Variants in DYNC1I1 observed in about 807,000 individuals in gnomAD.
The protein encoded by DYNC1I1 is cytoplasmic dynein 1 intermediate chain 1.
Under a neutral mutation model 86.6 loss-of-function variants are expected in DYNC1I1, and 43 were observed. The observed-to-expected ratio is 0.50, with a 90% CI of 0.39 to 0.64. The LOEUF is 0.64. Among genes scored for constraint, DYNC1I1 ranks in the 30% least tolerant of loss-of-function variants. The pLI is 0.00. For synonymous variants in DYNC1I1, 262 were observed against 283.7 expected (o/e 0.92, Z 0.77); for missense variants, 604 against 788.8 (o/e 0.77, Z 2.81).
At chr7:95,961,589 A>G (rs1792870172) in intron 6 of DYNC1I1, among the ~76,000 whole-genome samples, 1 of 152,188 alleles carries the variant, frequency 6.6e-6, no homozygotes, top group South Asian at 2.1e-4. Context: ...CAGAAGTTGA[A>G]TACAAATCCT....
At chr7:96,107,692 C>T (rs57785155) in intron 16 of DYNC1I1, among the ~76,000 whole-genome samples, 26,458 of 151,620 alleles carry the variant, frequency 0.17, 2,461 homozygotes, top group Middle Eastern at 0.2. Context: ...CCACCACACT[C>T]GGCTAATTTT....
chr7:96,005,812 T>C (rs1794127738), intron 10 of DYNC1I1, among the ~76,000 whole-genome samples: 1 of 152,154 alleles, frequency 6.6e-6, no homozygotes, highest in Non-Finnish European at 1.5e-5. Context: ...TCTACAAAAA[T>C]AGAATCAGAA....
chr7:96,063,471 T>C (rs374367139), intron 14 of DYNC1I1, among the ~76,000 whole-genome samples: 1 of 152,128 alleles, frequency 6.6e-6, no homozygotes, highest in South Asian at 2.1e-4. Context: ...CATCCTCTCA[T>C]AGTTCTGGAG....
Position 95,832,102 on chromosome 7 carries a change from A to G in DYNC1I1, c.374+3986A>G, listed in dbSNP as rs184586357. On this transcript the variant is annotated intron_variant, in intron 5 of 16. Transcript: ENST00000447467. Reference sequence around the variant, plus strand: ...CATATAGCATTAGGTATATCTCCCAATGCTATCCCTCCCCCCTCCCCCCAC... The same window carrying G: ...CATATAGCATTAGGTATATCTCCCAGTGCTATCCCTCCCCCCTCCCCCCAC... Among the ~76,000 whole-genome samples the G allele has an allele frequency of 7.7e-3, 1,048 of 135,588 alleles. 14 individuals carry two copies. The highest frequency in any genetic ancestry group is 0.036 in the East Asian group (148 of 4,096). The allele number at this position is 135,588 out of a possible 152,430, so 89.0% of individuals were successfully genotyped here.
intron 1 of DYNC1I1, among the ~76,000 whole-genome samples, chr7:95,794,877 T>A (rs1794397364): frequency 6.6e-6 from 1 of 152,186 alleles, no homozygotes; most frequent in Non-Finnish European, 1.5e-5. Flanking sequence ...CCAATATGAA[T>A]AAAATTGAGA....
chr7:95,782,322 G>A (rs1028093285), intron 1 of DYNC1I1, among the ~76,000 whole-genome samples: 1 of 152,210 alleles, frequency 6.6e-6, no homozygotes, highest in Non-Finnish European at 1.5e-5. Flanking sequence ...GCCTATTCCT[G>A]CTAATAACTA....
chr7:95,928,675 G>A (rs1791809250), intron 6 of DYNC1I1, among the ~76,000 whole-genome samples: 1 of 152,168 alleles, frequency 6.6e-6, no homozygotes, highest in Non-Finnish European at 1.5e-5. Context: ...GTTCTCTGTT[G>A]CCTTTTACCT....
chr7:95,849,228 T>C (rs1343029818), intron 5 of DYNC1I1, among the ~76,000 whole-genome samples: 2 of 152,210 alleles, frequency 1.3e-5, no homozygotes, highest in African/African-American at 4.8e-5. Flanking sequence ...TTTAGTTTGA[T>C]GTAACTCCAT....
intron 6 of DYNC1I1, among the ~76,000 whole-genome samples, chr7:95,877,078 G>T (rs1434902087): frequency 1.3e-5 from 2 of 152,182 alleles, no homozygotes; most frequent in African/African-American, 2.4e-5. Flanking sequence ...AATTACTTCA[G>T]GTGGATGCAG....
At chr7:96,061,644 G>A (rs1379101814) in intron 14 of DYNC1I1, among the ~76,000 whole-genome samples, 1 of 141,080 alleles carries the variant, frequency 7.1e-6, no homozygotes, top group African/African-American at 2.8e-5. Context: ...GATTTGGTAT[G>A]GAAAAAGAGT....
intron 6 of DYNC1I1, among the ~76,000 whole-genome samples, chr7:95,957,783 C>T (rs934170150): frequency 6.6e-6 from 1 of 152,318 alleles, no homozygotes; most frequent in East Asian, 1.9e-4. Flanking sequence ...GGAGTAGGCT[C>T]TGAAAGGGGT....
chr7:96,083,090 C>T (rs901189437), intron 16 of DYNC1I1, among the ~76,000 whole-genome samples: 1 of 151,920 alleles, frequency 6.6e-6, no homozygotes, highest in African/African-American at 2.4e-5. Context: ...AATTCACTAC[C>T]AAGAAAAAGA....
chr7:96,105,605 C>G (rs967268372), intron 16 of DYNC1I1, among the ~76,000 whole-genome samples: 1 of 152,120 alleles, frequency 6.6e-6, no homozygotes, highest in Non-Finnish European at 1.5e-5. Flanking sequence ...GAATACTGAT[C>G]TATAATTTTC....
chr7:96,015,241 A>G lies in DYNC1I1; in HGVS notation c.970-12934A>G, dbSNP rs570893984. On this transcript the variant is annotated intron_variant, in intron 10 of 16. Coordinates refer to ENST00000447467, the MANE Select transcript of DYNC1I1 (RefSeq NM_001135556.2). ...ATTATGATAATTGACTGACACATAC[A>G]TTGGGTGTACTCTAACATATGTTTA... 2.4e-4 allele frequency among the ~76,000 whole-genome samples: 36 copies of G among 152,254 alleles called. No individual in the cohort carries two copies. In the South Asian group the frequency reaches 6.6e-3, roughly 28 times the overall value.
chr7:95,816,134 C>T (rs749847325), intron 4 of DYNC1I1, among the ~76,000 whole-genome samples: 7 of 151,966 alleles, frequency 4.6e-5, no homozygotes, highest in East Asian at 1.9e-4. Context: ...CCTCCTGCCT[C>T]GGCCTCCTGA....
intron 6 of DYNC1I1, among the ~76,000 whole-genome samples, chr7:95,875,195 C>G (rs1055367812): frequency 1.3e-5 from 2 of 152,002 alleles, no homozygotes; most frequent in African/African-American, 4.8e-5. Flanking sequence ...TTATATCCTT[C>G]CTTTTAGAAC....
intron 9 of DYNC1I1, among the ~76,000 whole-genome samples, chr7:95,991,178 A>C (rs1226142193): frequency 1.3e-5 from 2 of 152,194 alleles, no homozygotes; most frequent in Non-Finnish European, 2.9e-5. Context: ...TGTGACTTCT[A>C]TTGTCCCCCA....
At chr7:96,021,385 G>A (rs1475225965) in intron 10 of DYNC1I1, among the ~76,000 whole-genome samples, 1 of 152,098 alleles carries the variant, frequency 6.6e-6, no homozygotes, top group Non-Finnish European at 1.5e-5. Flanking sequence ...CAGGAAGAAG[G>A]AAAGAGGGAG....
At chr7:95,775,145 A>C (rs1049522937) in intron 1 of DYNC1I1, among the ~76,000 whole-genome samples, 3 of 152,348 alleles carry the variant, frequency 2.0e-5, no homozygotes, top group African/African-American at 7.2e-5. Flanking sequence ...AGATGAGGAA[A>C]CTAAGACACA....
Sources: allele counts gnomAD v4.1 joint callset (sites outside exome capture counted in the v4.1 genomes callset), GRCh38; gene constraint gnomAD v4.1.1; transcripts MANE v1.5; gene names NCBI Gene and HGNC (gene_info 2026-07-23, HGNC 2026-07-21).